NCAM2: variants seen among roughly 807,000 people sequenced by gnomAD.
The protein encoded by NCAM2 is N-CAM-2.
In NCAM2, 30 loss-of-function variants were observed where a neutral mutation model predicts 98.1. That is an observed-to-expected ratio of 0.31 (90% confidence interval 0.23 to 0.41). NCAM2 has a LOEUF of 0.41. Among genes scored for constraint, NCAM2 ranks in the 10% least tolerant of loss-of-function variants. NCAM2 has a pLI of 1.00. For missense variants in NCAM2, 867 were observed against 1,005.8 expected (o/e 0.86, Z 1.87); for synonymous variants, 368 against 342.4 (o/e 1.07, Z -0.83).
chr21:21,053,579 A>G (rs1354247980), intron 1 of NCAM2, among the ~76,000 whole-genome samples: 2 of 151,268 alleles, frequency 1.3e-5, no homozygotes, highest in East Asian at 1.9e-4. Context: ...TTATTTACAT[A>G]TATATTATAA....
chr21:21,120,266 G>A lies in NCAM2; in HGVS notation c.55+121648G>A, dbSNP rs958721688. On this transcript the variant is annotated intron_variant, in intron 1 of 17. Coordinates refer to ENST00000400546, the MANE Select transcript of NCAM2 (RefSeq NM_004540.5). ...CAAGGATAATGACACAGATAAATTC[G>A]GAGTCCCAACATTTTCTTTAAAATA... 2.6e-5 allele frequency among the ~76,000 whole-genome samples: 4 copies of A among 151,950 alleles called. No homozygotes were observed. The East Asian group carries it at 7.7e-4, about 29-fold the overall frequency.
At chr21:21,469,604 G>T (rs2826855) in intron 14 of NCAM2, among the ~76,000 whole-genome samples, 66,869 of 151,652 alleles carry the variant, frequency 0.44, 16,122 homozygotes, top group East Asian at 0.95. Flanking sequence ...TATTTTAGCA[G>T]ATCATGTTTA....
intron 5 of NCAM2, 71 bp from the exon 6 acceptor site, chr21:21,324,312 C>T: frequency 9.0e-7 from 1 of 1,111,358 alleles, no homozygotes; most frequent in Non-Finnish European, 1.3e-6. Context: ...TAAAATGTAG[C>T]AAAAATTCTC....
chr21:21,240,498 T>C (rs1304357296), intron 1 of NCAM2, among the ~76,000 whole-genome samples: 2 of 152,200 alleles, frequency 1.3e-5, no homozygotes, highest in African/African-American at 2.4e-5. Context: ...TCTGTCTCTT[T>C]ACCAGAGAGC....
At position 21,153,984 on chromosome 21, in the gene NCAM2, G is replaced by GA. The variant is rs1185998305; in HGVS notation, c.56-126594_56-126593insA. On this transcript the variant is annotated intron_variant, in intron 1 of 17. Transcript: ENST00000400546. ...TTTTCTTGGTTAAATATATGATTAA[G>GA]TTTATAAATGAGATAGAGAATATGT... Among the ~76,000 whole-genome samples the GA allele has an allele frequency of 2.0e-5, 3 of 151,832 alleles. No individual in the cohort carries two copies. The East Asian group carries it at 5.8e-4, about 29-fold the overall frequency.
At chr21:21,460,532 G>A (rs1278632975) in intron 12 of NCAM2, among the ~76,000 whole-genome samples, 2 of 151,946 alleles carry the variant, frequency 1.3e-5, no homozygotes, top group African/African-American at 4.8e-5. Flanking sequence ...AGAGCAGAGT[G>A]CATTTGTAAT....
At chr21:21,304,541 T>C (rs992929802) in intron 5 of NCAM2, among the ~76,000 whole-genome samples, 7 of 152,108 alleles carry the variant, frequency 4.6e-5, no homozygotes, top group Non-Finnish European at 1.0e-4. Flanking sequence ...CCTCCAACTT[T>C]GTTCATCTTT....
chr21:21,420,576 TAA>T (rs1569044031), intron 11 of NCAM2, among the ~76,000 whole-genome samples: 1 of 152,020 alleles, frequency 6.6e-6, no homozygotes, highest in Non-Finnish European at 1.5e-5. Flanking sequence ...AATTTTATAT[TAA>T]GTTCAGAAAA....
chr21:21,162,046 A>G (rs1303227723), intron 1 of NCAM2, among the ~76,000 whole-genome samples: 3 of 152,196 alleles, frequency 2.0e-5, no homozygotes, highest in East Asian at 1.9e-4. Flanking sequence ...AAGGGATTCT[A>G]TACTAGGATC....
At chr21:21,505,625 GAAT>G (rs1412202952) in intron 15 of NCAM2, among the ~76,000 whole-genome samples, 1 of 151,796 alleles carries the variant, frequency 6.6e-6, no homozygotes, top group East Asian at 1.9e-4. Flanking sequence ...AGCCTCAAGA[GAAT>G]AATCATTACT....
intron 1 of NCAM2, among the ~76,000 whole-genome samples, chr21:21,154,977 G>C (rs149097194): frequency 1.2e-3 from 175 of 151,844 alleles, no homozygotes; most frequent in African/African-American, 3.8e-3. Flanking sequence ...AAGGCAAGAT[G>C]CAAGATGCAG....
chr21:21,372,646 G>C (rs1160818677), intron 8 of NCAM2, among the ~76,000 whole-genome samples: 1 of 151,824 alleles, frequency 6.6e-6, no homozygotes, highest in Non-Finnish European at 1.5e-5. Flanking sequence ...GACTTTTAGT[G>C]CAAGTATTTG....
chr21:21,199,742 T>C (rs2212626), intron 1 of NCAM2, among the ~76,000 whole-genome samples: 75,665 of 151,968 alleles, frequency 0.5, 19,198 homozygotes, highest in South Asian at 0.61. Context: ...GATAGGCCTA[T>C]GTCAGTTTGT....
intron 12 of NCAM2, among the ~76,000 whole-genome samples, chr21:21,454,216 A>G (rs940634103): frequency 6.6e-6 from 1 of 151,608 alleles, no homozygotes; most frequent in Admixed American, 6.6e-5. Flanking sequence ...GTGCCAAGGC[A>G]CTGTTCAAGG....
chr21:21,226,923 T>G (rs2070406144), intron 1 of NCAM2: 1 of 152,030 alleles, frequency 6.6e-6, no homozygotes, highest in South Asian at 2.1e-4. Flanking sequence ...TACATATGAT[T>G]ATCGAAGTTG....
At chr21:21,315,048 G>A (rs2074176736) in intron 5 of NCAM2, among the ~76,000 whole-genome samples, 2 of 152,034 alleles carry the variant, frequency 1.3e-5, no homozygotes, top group African/African-American at 2.4e-5. Context: ...TCTTATTTCA[G>A]TATTACGGAA....
At chr21:21,437,691 A>C (rs1426982630) in intron 12 of NCAM2, among the ~76,000 whole-genome samples, 2 of 152,034 alleles carry the variant, frequency 1.3e-5, no homozygotes, top group Non-Finnish European at 2.9e-5. Context: ...CAATTTATAG[A>C]AAAAACAATT....
At chr21:21,479,603 A>AG in intron 15 of NCAM2, among the ~76,000 whole-genome samples, 6 of 132,266 alleles carry the variant, frequency 4.5e-5, no homozygotes, top group Admixed American at 1.5e-4. Context: ...AAAAAAAAAA[A>AG]AAAAATTGTT....
intron 1 of NCAM2, among the ~76,000 whole-genome samples, chr21:21,197,026 A>T (rs1038579549): frequency 3.9e-5 from 6 of 152,114 alleles, no homozygotes; most frequent in African/African-American, 1.4e-4. Flanking sequence ...TCTGTGAGTA[A>T]AAGCTCGCTG....
Sources: gnomAD v4.1 joint callset for allele counts (sites outside exome capture counted in the v4.1 genomes callset) on GRCh38, gnomAD v4.1.1 for gene constraint, MANE v1.5 for transcripts, NCBI Gene and HGNC (gene_info 2026-07-23, HGNC 2026-07-21) for gene names.